The following WIPF1 variants were observed in gnomAD, a reference collection of about 807,000 sequenced individuals.
The protein encoded by WIPF1 is WAS/WASL-interacting protein family member 1.
A neutral mutation model predicts 35.4 loss-of-function variants in WIPF1; 13 were observed. The ratio of observed to expected loss-of-function variants is 0.37; its 90% CI spans 0.24 to 0.58. The LOEUF is 0.58. Ranked by LOEUF, WIPF1 falls within the 20% of genes least tolerant of loss-of-function variation. The pLI is 0.74. For missense variants in WIPF1, 591 were observed against 667.0 expected (o/e 0.89, Z 1.25); for synonymous variants, 267 against 266.3 (o/e 1.00, Z -0.02).
At chr2:174,678,146 G>C (rs1688175065) in intron 1 of WIPF1, among the ~76,000 whole-genome samples, 1 of 152,192 alleles carries the variant, frequency 6.6e-6, no homozygotes, top group South Asian at 2.1e-4. Context: ...GTTTGGGCCA[G>C]ATCATAGAAA....
intron 1 of WIPF1, chr2:174,587,682 A>G (rs1038877386): frequency 6.6e-6 from 1 of 152,222 alleles, no homozygotes; most frequent in East Asian, 1.9e-4. Context: ...CTCCTAAGAC[A>G]GCGGAAGCCA....
At chr2:174,678,970 G>T (rs1040155834) in intron 1 of WIPF1, among the ~76,000 whole-genome samples, 5 of 152,126 alleles carry the variant, frequency 3.3e-5, no homozygotes, top group African/African-American at 9.7e-5. Context: ...GGCTTTTTTG[G>T]TATTTACCTA....
At chr2:174,649,790 A>G (rs770508311) in intron 1 of WIPF1, among the ~76,000 whole-genome samples, 2 of 152,214 alleles carry the variant, frequency 1.3e-5, no homozygotes, top group Non-Finnish European at 2.9e-5. Flanking sequence ...ATACAAAACA[A>G]TCTGAAAGTC....
chr2:174,673,583 C>G (rs116759594), intron 1 of WIPF1: 4 of 152,272 alleles, frequency 2.6e-5, no homozygotes, highest in African/African-American at 9.6e-5. Context: ...GCGCAGCTCC[C>G]GCTAGTCAGG....
intron 1 of WIPF1, among the ~76,000 whole-genome samples, chr2:174,638,197 C>T (rs1313549031): frequency 6.6e-6 from 1 of 152,072 alleles, no homozygotes; most frequent in Non-Finnish European, 1.5e-5. Flanking sequence ...TACAAATTCT[C>T]ATCAAGTCCT....
intron 1 of WIPF1, among the ~76,000 whole-genome samples, chr2:174,675,825 G>A (rs1688116480): frequency 6.6e-6 from 1 of 151,872 alleles, no homozygotes; most frequent in African/African-American, 2.4e-5. Context: ...CTGTGTGTGG[G>A]GTGGAGGCGG....
chr2:174,635,452 C>G (rs565646525), intron 1 of WIPF1, among the ~76,000 whole-genome samples: 1 of 151,356 alleles, frequency 6.6e-6, no homozygotes, highest in South Asian at 2.1e-4. Flanking sequence ...TGGAGGAGAG[C>G]TGGAGCAGGG....
At chr2:174,619,871 C>G (rs141407709) in intron 1 of WIPF1, among the ~76,000 whole-genome samples, 2,593 of 151,564 alleles carry the variant, frequency 0.017, 76 homozygotes, top group African/African-American at 0.059. Context: ...GAGCCCAGGA[C>G]GTCGACGTTG....
At chr2:174,573,891 CTTT>C (rs564081857) in intron 4 of WIPF1, among the ~76,000 whole-genome samples, 11 of 138,864 alleles carry the variant, frequency 7.9e-5, no homozygotes, top group Middle Eastern at 3.7e-3. Context: ...CTTTCTTCTT[CTTT>C]TTTTTTTTTT....
intron 1 of WIPF1, among the ~76,000 whole-genome samples, chr2:174,681,586 G>A (rs1688245770): frequency 1.3e-5 from 2 of 152,350 alleles, no homozygotes; most frequent in South Asian, 4.1e-4. Context: ...GCTTTGGGAA[G>A]CTGGCAAAAG....
At chr2:174,607,764 T>C (rs913293162) in intron 1 of WIPF1, among the ~76,000 whole-genome samples, 3 of 152,190 alleles carry the variant, frequency 2.0e-5, no homozygotes, top group African/African-American at 7.2e-5. Flanking sequence ...CCTGATCTGC[T>C]CTTCCCACCA....
chr2:174,579,179 G>A (rs574037531), intron 3 of WIPF1, among the ~76,000 whole-genome samples: 18 of 152,138 alleles, frequency 1.2e-4, no homozygotes, highest in East Asian at 7.7e-4. Context: ...CACCACACCC[G>A]GCTAATTTTG....
At position 174,581,481 on chromosome 2, in the gene WIPF1, A is replaced by G. The variant is rs576512600; in HGVS notation, c.52-42T>C. ...CAAACAAGTAGTCATCTCTTGGGTTAAAATCATGCATTGTAACACTCGGCT... is the reference window on the plus strand; with the variant it reads ...CAAACAAGTAGTCATCTCTTGGGTTGAAATCATGCATTGTAACACTCGGCT... On this transcript the variant is annotated intron_variant, in intron 2 of 7. Transcript: ENST00000679041. 6.5e-5 allele frequency: 104 copies of G among 1,605,310 alleles called. 2 individuals are homozygous for G. The highest frequency in any genetic ancestry group is 4.7e-4 in the South Asian group (42 of 89,770).
Position 174,575,288 on chromosome 2 carries a change from A to C in WIPF1, c.274T>G (p.Phe92Val), listed in dbSNP as rs746614393. The part of the protein sequence containing the change: ...GGGGGGGGGS[F>V]GGGGPPGLGG... The stretch of plus-strand genomic sequence containing the variant: ...AGACCTGGAGGTCCGCCCCCTCCAA[A>C]ACTTCCACCGCCTCCGCCACCACCT... Residue 92 changes from phenylalanine to valine, a missense_variant, in exon 4 of 8, where the codon TTT becomes GTT. Physicochemically the swap from Phe to Val is conservative, Grantham distance 50. Coordinates refer to ENST00000679041, the MANE Select transcript of WIPF1 (RefSeq NM_001375834.1). The C allele has an allele frequency of 2.5e-6, 4 of 1,613,292 alleles. No individual in the cohort carries two copies. The highest frequency in any genetic ancestry group is 3.4e-6 in the Non-Finnish European group (4 of 1,179,750).
At chr2:174,632,201 C>T (rs1687043995) in intron 1 of WIPF1, among the ~76,000 whole-genome samples, 1 of 152,146 alleles carries the variant, frequency 6.6e-6, no homozygotes, top group African/African-American at 2.4e-5. Context: ...GGATCTGTTA[C>T]CTTCTGCCAT....
intron 1 of WIPF1, among the ~76,000 whole-genome samples, chr2:174,667,452 G>A (rs919836540): frequency 1.8e-4 from 27 of 152,192 alleles, no homozygotes. Flanking sequence ...CTAGCTCAGA[G>A]GTGGGAACAC....
chr2:174,641,721 C>G (rs1210972201), intron 1 of WIPF1, among the ~76,000 whole-genome samples: 1 of 152,220 alleles, frequency 6.6e-6, no homozygotes, highest in Non-Finnish European at 1.5e-5. Flanking sequence ...CCTTACTCAT[C>G]TCACCAGTAC....
At chr2:174,633,460 G>A (rs369586319) in intron 1 of WIPF1, among the ~76,000 whole-genome samples, 9 of 152,278 alleles carry the variant, frequency 5.9e-5, no homozygotes, top group East Asian at 1.9e-4. Context: ...CAAAGATGCC[G>A]TCTAGTATGT....
chr2:174,576,251 A>C, intron 3 of WIPF1, among the ~76,000 whole-genome samples: 1 of 145,136 alleles, frequency 6.9e-6, no homozygotes, highest in East Asian at 2.0e-4. Flanking sequence ...AAAAAAAAAC[A>C]CTAAGCAAAT....
Sources: allele counts gnomAD v4.1 joint callset (sites outside exome capture counted in the v4.1 genomes callset), GRCh38; gene constraint gnomAD v4.1.1; transcripts MANE v1.5; gene names NCBI Gene and HGNC (gene_info 2026-07-23, HGNC 2026-07-21).